LRRC40: variants seen among roughly 807,000 people sequenced by gnomAD.
LRRC40 encodes leucine rich repeat containing 40, also known as leucine-rich repeat-containing protein 40.
A neutral mutation model predicts 72.8 loss-of-function variants in LRRC40; 76 were observed. That is an observed-to-expected ratio of 1.04 (90% confidence interval 0.87 to 1.26). The LOEUF is 1.26. LRRC40 is among the 50% of genes most tolerant of loss of function. LRRC40 has a pLI of 0.00. For missense variants in LRRC40, 684 were observed against 698.9 expected, an observed-to-expected ratio of 0.98 and a Z score of 0.24; for synonymous variants, 243 against 254.2, an observed-to-expected ratio of 0.96 and a Z score of 0.42.
At chr1:70,146,502 T>C (rs960551096) in intron 14 of LRRC40, among the ~76,000 whole-genome samples, 42 of 152,312 alleles carry the variant, frequency 2.8e-4, no homozygotes, top group Middle Eastern at 3.4e-3. Context: ...CCATTAATAG[T>C]TCTGTTTTAA....
At chr1:70,188,035 A>G (rs187931358) in intron 2 of LRRC40, among the ~76,000 whole-genome samples, 59 of 152,326 alleles carry the variant, frequency 3.9e-4, no homozygotes, top group Non-Finnish European at 6.3e-4. Flanking sequence ...TTATGTCAAT[A>G]TATACAAAAA....
chr1:70,170,834 CAAGTT>C (rs2100280803), intron 9 of LRRC40, among the ~76,000 whole-genome samples: 1 of 152,188 alleles, frequency 6.6e-6, no homozygotes, highest in South Asian at 2.1e-4. Context: ...TAGAAATTCA[CAAGTT>C]AATTCTAAAA....
In LRRC40 at chr1:70,146,397, T is replaced by C. The variant is rs552354187; in HGVS notation, c.1704-492A>G. On this transcript the variant is annotated intron_variant, in intron 14 of 14. Coordinates refer to ENST00000370952, the MANE Select transcript of LRRC40 (RefSeq NM_017768.5). Reference sequence around the variant, plus strand: ...TAATTAATAACCCAAAACATATTAATTGAATACTTACTTTGTGAAAGGTAC... The same window carrying C: ...TAATTAATAACCCAAAACATATTAACTGAATACTTACTTTGTGAAAGGTAC... 3.3e-4 allele frequency among the ~76,000 whole-genome samples: 50 copies of C among 152,342 alleles called. No individual in the cohort carries two copies. The South Asian group carries it at 9.7e-3, about 30-fold the overall frequency.
intron 11 of LRRC40, among the ~76,000 whole-genome samples, chr1:70,154,055 G>A (rs1667580293): frequency 6.6e-6 from 1 of 151,270 alleles, no homozygotes; most frequent in Admixed American, 6.6e-5. Context: ...TATGCAGTAT[G>A]CCACAAAGTT....
chr1:70,194,882 T>C (rs947765221), intron 1 of LRRC40, among the ~76,000 whole-genome samples: 14 of 152,056 alleles, frequency 9.2e-5, no homozygotes, highest in African/African-American at 2.9e-4. Flanking sequence ...CATAGGTCAA[T>C]GGAAAAAGAG....
intron 1 of LRRC40, among the ~76,000 whole-genome samples, chr1:70,202,257 T>A (rs1335824803): frequency 6.6e-6 from 1 of 152,176 alleles, no homozygotes; most frequent in East Asian, 1.9e-4. Flanking sequence ...TACAGCTGCT[T>A]TATTCATAAC....
intron 12 of LRRC40, 73 bp from the exon 13 acceptor site, chr1:70,151,278 T>C (rs1191297538): frequency 1.4e-6 from 1 of 722,184 alleles, no homozygotes; most frequent in East Asian, 2.7e-5. Context: ...AATTAAAATA[T>C]TGAGCAGGAA....
At chr1:70,180,907 C>T (rs1668229584) in intron 5 of LRRC40, among the ~76,000 whole-genome samples, 179 bp downstream of exon 5, 1 of 152,024 alleles carries the variant, frequency 6.6e-6, no homozygotes, top group African/African-American at 2.4e-5. Context: ...GATGGTATTT[C>T]TTTAGACAGT....
intron 6 of LRRC40, among the ~76,000 whole-genome samples, chr1:70,176,497 A>C (rs1017184744): frequency 1.4e-5 from 2 of 145,576 alleles, no homozygotes; most frequent in Non-Finnish European, 1.5e-5. Context: ...ACACCATTGC[A>C]CTCTAGCCTG....
chr1:70,189,298 G>GAAAAAAAAAAAAAAAAAAAAAAAAAA (rs745450367), intron 1 of LRRC40, 25 bp from the exon 2 acceptor site: 1 of 685,984 alleles, frequency 1.5e-6, no homozygotes, highest in African/African-American at 2.9e-5. Context: ...ACCACACCAG[G>GAAAAAAAAAAAAAAAAAAAAAAAAAA]AAAAAAAAAA....
At chr1:70,155,563 A>T in intron 11 of LRRC40, 126 bp downstream of exon 11, 1 of 416,438 alleles carries the variant, frequency 2.4e-6, no homozygotes, top group East Asian at 3.5e-5. Context: ...TCTAATATTA[A>T]TAATGTAAAA....
Position 70,146,265 on chromosome 1 carries a change from T to C in LRRC40, c.1704-360A>G, listed in dbSNP as rs181487689. On this transcript the variant is annotated intron_variant, in intron 14 of 14. Coordinates refer to ENST00000370952, the MANE Select transcript of LRRC40 (RefSeq NM_017768.5). ...GTCTCAAACTCCTGGCCTCAAGTAA[T>C]CTGCCCGCCTCAGCCTCCCAAAGTA... Among the ~76,000 whole-genome samples, 43 of 152,292 alleles carry C rather than the reference T, an allele frequency of 2.8e-4. No individual in the cohort carries two copies. In the East Asian group the frequency reaches 5.2e-3, roughly 18 times the overall value.
rs1473718006 is a variant in LRRC40, at chr1:70,176,125, A to C, written c.805-143T>G. 1.9e-5 allele frequency: 9 copies of C among 464,570 alleles called. No homozygotes were observed. In the East Asian group the frequency reaches 2.5e-4, roughly 13 times the overall value. 28.8% of individuals were successfully genotyped at this position (464,570 alleles called of 1,614,324 possible). On this transcript the variant is annotated intron_variant, in intron 6 of 14. Transcript: ENST00000370952. ...AACTTTATAAATATCAAGATGTTTA[A>C]ATTTTCAATTATATTTAGGCTATCT...
chr1:70,145,625 T>C lies in LRRC40; in HGVS notation c.*175A>G. ...ATCTTAAATAAAAATGTAAAAATAT[T>C]TACTGGCAGTGAATATGGCCCAGGC... On this transcript the variant is annotated 3_prime_UTR_variant, in exon 15 of 15. Transcript: ENST00000370952. 2.4e-6 allele frequency: 1 copy of C among 417,756 alleles called. No homozygotes were observed. Among genetic ancestry groups the C allele is most frequent in the Non-Finnish European group, 4.3e-6 (1 of 234,806 alleles). 25.9% of individuals were successfully genotyped at this position (417,756 alleles called of 1,614,324 possible).
chr1:70,201,981 A>T (rs1446222805), intron 1 of LRRC40, among the ~76,000 whole-genome samples: 1 of 152,102 alleles, frequency 6.6e-6, no homozygotes. Context: ...CCGTCTCAAA[A>T]ATAAAATAAA....
intron 3 of LRRC40, among the ~76,000 whole-genome samples, chr1:70,186,289 A>T (rs900491242): frequency 1.3e-5 from 2 of 152,106 alleles, no homozygotes; most frequent in Non-Finnish European, 2.9e-5. Flanking sequence ...AAGCCATGTC[A>T]CTCAACACTT....
At chr1:70,161,285 C>T (rs1341626272) in intron 9 of LRRC40, among the ~76,000 whole-genome samples, 4 of 151,566 alleles carry the variant, frequency 2.6e-5, no homozygotes, top group Non-Finnish European at 5.9e-5. Flanking sequence ...GGGGTTTCAC[C>T]GTGTTAGCCA....
At chr1:70,155,847 G>T in intron 10 of LRRC40, 51 bp from the exon 11 acceptor site, 1 of 751,726 alleles carries the variant, frequency 1.3e-6, no homozygotes, top group East Asian at 2.8e-5. Flanking sequence ...AGTCCAAAAA[G>T]ATATGATTAT....
At chr1:70,164,161 C>T (rs1002045605) in intron 9 of LRRC40, among the ~76,000 whole-genome samples, 3 of 151,838 alleles carry the variant, frequency 2.0e-5, no homozygotes, top group Non-Finnish European at 4.4e-5. Flanking sequence ...GAGGCCGAGG[C>T]GGGCGGATCA....
Sources: gnomAD v4.1 joint callset for allele counts (sites outside exome capture counted in the v4.1 genomes callset) on GRCh38, gnomAD v4.1.1 for gene constraint, MANE v1.5 for transcripts, NCBI Gene and HGNC (gene_info 2026-07-23, HGNC 2026-07-21) for gene names.